Variants in CNTN4 observed in about 807,000 individuals in gnomAD.
CNTN4 encodes contactin 4, also known as contactin-4.
In CNTN4, 77 loss-of-function variants were observed where a neutral mutation model predicts 122.5. That is an observed-to-expected ratio of 0.63 (90% CI 0.52 to 0.76). The LOEUF is 0.76. CNTN4 is among the 30% of genes least tolerant of loss of function. The pLI, the probability that CNTN4 is intolerant of heterozygous loss-of-function variation, is 0.00. For missense variants in CNTN4, 1,256 were observed against 1,259.1 expected, an observed-to-expected ratio of 1.00 and a Z score of 0.04; for synonymous variants, 512 against 447.0, an observed-to-expected ratio of 1.15 and a Z score of -1.83.
In CNTN4 at chr3:2,866,828, G is replaced by A. The variant is rs149729477; in HGVS notation, c.531G>A (p.Gly177=). 6.4e-4 allele frequency: 1,032 copies of A among 1,613,942 alleles called. 7 individuals are homozygous for A. In the African/African-American group the frequency reaches 0.013, roughly 20 times the overall value. Reference sequence around the variant, plus strand: ...GCCGCTTTGTTTCTCAAGAGACTGGGAATCTGTATATTGCCAAAGTAGAAA... The same window carrying A: ...GCCGCTTTGTTTCTCAAGAGACTGGAAATCTGTATATTGCCAAAGTAGAAA... The part of the protein sequence containing the change: ...DNRRFVSQET[G]NLYIAKVEKS... Residue 177 remains glycine (G), a synonymous_variant, in exon 8 of 25, where the codon GGG becomes GGA. Transcript: ENST00000418658.
chr3:2,414,873 C>A (rs143547687), intron 3 of CNTN4, among the ~76,000 whole-genome samples: 139 of 152,158 alleles, frequency 9.1e-4, no homozygotes, highest in African/African-American at 3.3e-3. Context: ...GTTCAAGAAT[C>A]CTAATTTAAT....
chr3:2,163,625 AGAATCTGCAAG>A (rs752821912), intron 2 of CNTN4, among the ~76,000 whole-genome samples: 4 of 152,154 alleles, frequency 2.6e-5, no homozygotes, highest in Non-Finnish European at 2.9e-5. Context: ...TAAAATATCG[AGAATCTGCAAG>A]GAACTCAAGA....
At chr3:2,763,685 C>G (rs1380457862) in intron 6 of CNTN4, among the ~76,000 whole-genome samples, 1 of 152,162 alleles carries the variant, frequency 6.6e-6, no homozygotes, top group African/African-American at 2.4e-5. Flanking sequence ...GGTCCACTTT[C>G]AATATTCTGC....
chr3:2,391,254 G>A lies in CNTN4; in HGVS notation c.-89+52021G>A, dbSNP rs1313435985. 2.0e-5 allele frequency among the ~76,000 whole-genome samples: 3 copies of A among 152,190 alleles called. No homozygotes were observed. The East Asian group carries it at 5.8e-4, about 29-fold the overall frequency. Reference sequence around the variant, plus strand: ...CTGAAGCATAAGAGTGAAACAGAGTGCATAATAAGAGTGTGTTAGAGTCAT... The same window carrying A: ...CTGAAGCATAAGAGTGAAACAGAGTACATAATAAGAGTGTGTTAGAGTCAT... On this transcript the variant is annotated intron_variant, in intron 3 of 24. Coordinates refer to ENST00000418658, the MANE Select transcript of CNTN4 (RefSeq NM_175607.3).
chr3:2,988,266 G>T, intron 13 of CNTN4, 79 bp from the exon 14 acceptor site: 1 of 1,334,866 alleles, frequency 7.5e-7, no homozygotes, highest in South Asian at 1.2e-5. Context: ...TTTGAACAAT[G>T]ACAGAATGAC....
chr3:2,270,452 G>A (rs1056399507), intron 2 of CNTN4, among the ~76,000 whole-genome samples: 1 of 131,506 alleles, frequency 7.6e-6, no homozygotes, highest in African/African-American at 3.2e-5. Flanking sequence ...TAGAGGCACA[G>A]AGGGTATATA....
chr3:2,183,119 C>T (rs547929303), intron 2 of CNTN4, among the ~76,000 whole-genome samples: 10 of 152,134 alleles, frequency 6.6e-5, no homozygotes, highest in African/African-American at 2.2e-4. Flanking sequence ...CAAAATATAT[C>T]CAGAAACAGA....
intron 6 of CNTN4, among the ~76,000 whole-genome samples, chr3:2,811,366 C>T (rs2092604315): frequency 6.7e-6 from 1 of 149,378 alleles, no homozygotes; most frequent in African/African-American, 2.5e-5. Flanking sequence ...TGAGATCACA[C>T]CACTGCACTC....
chr3:2,586,333 C>T (rs1244190032), intron 4 of CNTN4, among the ~76,000 whole-genome samples: 1 of 152,144 alleles, frequency 6.6e-6, no homozygotes, highest in Non-Finnish European at 1.5e-5. Flanking sequence ...GCTCTTATTG[C>T]CCAGGCTGGG....
intron 3 of CNTN4, among the ~76,000 whole-genome samples, chr3:2,423,841 G>A (rs1024121558): frequency 2.0e-5 from 3 of 149,752 alleles, no homozygotes; most frequent in East Asian, 4.1e-4. Flanking sequence ...GCCGAACATC[G>A]TTCCGGTCTA....
At chr3:2,751,231 C>T (rs2090076004) in intron 6 of CNTN4, among the ~76,000 whole-genome samples, 1 of 152,084 alleles carries the variant, frequency 6.6e-6, no homozygotes, top group Non-Finnish European at 1.5e-5. Context: ...TGGCTTGAAC[C>T]TGGGAGGCAG....
chr3:2,524,823 T>G (rs903828534), intron 3 of CNTN4, among the ~76,000 whole-genome samples: 3 of 152,008 alleles, frequency 2.0e-5, no homozygotes, highest in Non-Finnish European at 4.4e-5. Context: ...AAATGCAACT[T>G]GAATAAGAAG....
At position 2,709,582 on chromosome 3, in the gene CNTN4, C is replaced by T. The variant is rs750356562; in HGVS notation, c.56-26633C>T. On this transcript the variant is annotated intron_variant, in intron 4 of 24. Coordinates refer to ENST00000418658, the MANE Select transcript of CNTN4 (RefSeq NM_175607.3). This position sits in a 1 kb window ranked among gnomAD's most constrained non-coding sequence, Gnocchi z 5.0. ...TCCAATTCCATAAAATGAACAATTT[C>T]ACATATTGAAAAATGTTTTTAATAA... Among the ~76,000 whole-genome samples, 2 of 152,158 alleles carry T rather than the reference C, an allele frequency of 1.3e-5. No homozygotes were observed. Among genetic ancestry groups the T allele is most frequent in the Non-Finnish European group, 2.9e-5 (2 of 68,024 alleles).
chr3:2,109,665 G>A (rs913915786), intron 2 of CNTN4, among the ~76,000 whole-genome samples: 2 of 152,120 alleles, frequency 1.3e-5, no homozygotes, highest in East Asian at 1.9e-4. Context: ...AGTATGTTTT[G>A]TAAGATTTGA....
intron 12 of CNTN4, among the ~76,000 whole-genome samples, chr3:2,923,933 T>C (rs546487211): frequency 6.6e-6 from 1 of 152,292 alleles, no homozygotes; most frequent in South Asian, 2.1e-4. Context: ...AGAAATGCGT[T>C]TATCTCATTA....
intron 4 of CNTN4, among the ~76,000 whole-genome samples, chr3:2,635,670 C>G (rs2082631288): frequency 6.6e-6 from 1 of 152,190 alleles, no homozygotes; most frequent in South Asian, 2.1e-4. Context: ...TTTTTCTGGC[C>G]ATGTTCAGAG....
intron 4 of CNTN4, among the ~76,000 whole-genome samples, chr3:2,583,270 A>T (rs1045020501): frequency 2.6e-5 from 4 of 152,228 alleles, no homozygotes; most frequent in Non-Finnish European, 4.4e-5. Context: ...TTACTTCAAC[A>T]GGGAGCATTT....
chr3:2,204,910 G>A (rs1191144207), intron 2 of CNTN4, among the ~76,000 whole-genome samples: 2 of 152,030 alleles, frequency 1.3e-5, no homozygotes, highest in Admixed American at 6.6e-5. Flanking sequence ...ATAATTATCA[G>A]TACAGAATCC....
intron 2 of CNTN4, among the ~76,000 whole-genome samples, chr3:2,280,563 T>C (rs530751207): frequency 4.6e-5 from 7 of 152,316 alleles, no homozygotes; most frequent in Admixed American, 2.0e-4. Context: ...TCAGAAACCA[T>C]GCTCTTGACC....
Sources: allele counts gnomAD v4.1 joint callset (sites outside exome capture counted in the v4.1 genomes callset), GRCh38; gene constraint gnomAD v4.1.1; non-coding constraint Gnocchi (gnomAD v3.1); transcripts MANE v1.5; gene names NCBI Gene and HGNC (gene_info 2026-07-23, HGNC 2026-07-21).